PTPRD: variants seen among roughly 807,000 people sequenced by gnomAD.
PTPRD encodes receptor-type tyrosine-protein phosphatase delta.
In PTPRD, 34 loss-of-function variants were observed where a neutral mutation model predicts 214.5. The observed-to-expected ratio is 0.16, with a 90% CI of 0.12 to 0.21. PTPRD has a LOEUF of 0.21. PTPRD is among the 10% of genes least tolerant of loss of function. The pLI is 1.00. For synonymous variants in PTPRD, 1,128 were observed against 845.7 expected, an observed-to-expected ratio of 1.33 and a Z score of -5.79; for missense variants, 2,545 against 2,398.7, an observed-to-expected ratio of 1.06 and a Z score of -1.27.
At chr9:10,447,621 G>C (rs895200523) in intron 2 of PTPRD, among the ~76,000 whole-genome samples, 12 of 151,970 alleles carry the variant, frequency 7.9e-5, no homozygotes, top group Non-Finnish European at 1.2e-4. Flanking sequence ...ACAAATATTT[G>C]TTTTTTATTT....
At chr9:9,128,315 A>G (rs529752186) in intron 10 of PTPRD, among the ~76,000 whole-genome samples, 3 of 152,322 alleles carry the variant, frequency 2.0e-5, no homozygotes, top group African/African-American at 7.2e-5. Flanking sequence ...GAACTCATAC[A>G]TTTGCGCACA....
At chr9:10,573,798 G>A (rs773238048) in intron 2 of PTPRD, among the ~76,000 whole-genome samples, 1 of 152,140 alleles carries the variant, frequency 6.6e-6, no homozygotes, top group Non-Finnish European at 1.5e-5. Flanking sequence ...GAGAAGAAAG[G>A]CAAATGTGAG....
At chr9:8,593,388 G>A (rs925738458) in intron 14 of PTPRD, among the ~76,000 whole-genome samples, 1 of 152,130 alleles carries the variant, frequency 6.6e-6, no homozygotes, top group Non-Finnish European at 1.5e-5. Context: ...ACGTAGACCT[G>A]GTGAAAGGTC....
intron 7 of PTPRD, among the ~76,000 whole-genome samples, chr9:9,648,254 CA>C (rs914372437): frequency 6.6e-6 from 1 of 151,366 alleles, no homozygotes; most frequent in Non-Finnish European, 1.5e-5. Context: ...TATTTAGAGC[CA>C]AAAAAACATT....
At chr9:8,727,345 C>T (rs1565601329) in intron 12 of PTPRD, among the ~76,000 whole-genome samples, 1 of 152,320 alleles carries the variant, frequency 6.6e-6, no homozygotes, top group East Asian at 1.9e-4. Context: ...ATTCAAAAAG[C>T]CACAGAAACT....
At chr9:10,280,438 C>A (rs77898815) in intron 3 of PTPRD, among the ~76,000 whole-genome samples, 5,679 of 151,818 alleles carry the variant, frequency 0.037, 375 homozygotes, top group African/African-American at 0.13. Flanking sequence ...CCATCTCCAC[C>A]AAATTCAGAA....
intron 2 of PTPRD, among the ~76,000 whole-genome samples, chr9:10,434,868 C>G (rs933622409): frequency 1.3e-5 from 2 of 151,802 alleles, no homozygotes; most frequent in Non-Finnish European, 2.9e-5. Flanking sequence ...TTATGGCTCC[C>G]AGTTAACATG....
intron 2 of PTPRD, among the ~76,000 whole-genome samples, chr9:10,498,688 T>G (rs970569716): frequency 6.6e-6 from 1 of 151,934 alleles, no homozygotes; most frequent in Non-Finnish European, 1.5e-5. Context: ...ATATTATAAA[T>G]AGCAATTAAG....
intron 14 of PTPRD, among the ~76,000 whole-genome samples, chr9:8,605,997 C>T (rs949765342): frequency 2.6e-5 from 4 of 151,934 alleles, no homozygotes; most frequent in African/African-American, 9.7e-5. Context: ...GGATGTACAT[C>T]GTATACTATA....
chr9:10,156,532 G>T (rs2099094511), intron 3 of PTPRD, among the ~76,000 whole-genome samples: 1 of 152,128 alleles, frequency 6.6e-6, no homozygotes, highest in African/African-American at 2.4e-5. Flanking sequence ...TTTCGCATTT[G>T]CTGATGATTG....
In PTPRD at chr9:9,084,601, T is replaced by C. The variant is rs59881363; in HGVS notation, c.-142-65866A>G. ...ACACATTTCTGGGAGCCAAAGTCAA[T>C]GTATTTAAAGGACTGTAAATGAATG... On this transcript the variant is annotated intron_variant, in intron 10 of 45. Transcript: ENST00000381196. Among the ~76,000 whole-genome samples the C allele has an allele frequency of 9.8e-3, 1,493 of 152,234 alleles. 23 individuals are homozygous for C. Among genetic ancestry groups the C allele is most frequent in the African/African-American group, 0.034 (1,405 of 41,562 alleles).
chr9:9,236,951 G>C (rs2099967176), intron 9 of PTPRD, among the ~76,000 whole-genome samples: 1 of 151,990 alleles, frequency 6.6e-6, no homozygotes, highest in Non-Finnish European at 1.5e-5. Flanking sequence ...CTTCCTCTTT[G>C]GAAACCTTAG....
chr9:10,421,472 G>C (rs529952915), intron 2 of PTPRD, among the ~76,000 whole-genome samples: 80 of 151,886 alleles, frequency 5.3e-4, no homozygotes, highest in African/African-American at 1.9e-3. Flanking sequence ...TTTCTGATTG[G>C]CTATAACAAC....
chr9:10,184,990 C>T (rs1287971165), intron 3 of PTPRD, among the ~76,000 whole-genome samples: 1 of 152,082 alleles, frequency 6.6e-6, no homozygotes, highest in Non-Finnish European at 1.5e-5. Flanking sequence ...ACATTCATAA[C>T]CTTTTGTGTA....
chr9:8,669,514 G>A (rs972611990), intron 12 of PTPRD, among the ~76,000 whole-genome samples: 2 of 152,064 alleles, frequency 1.3e-5, no homozygotes, highest in African/African-American at 4.8e-5. Flanking sequence ...GAAGTCCCTA[G>A]TATTTTCCAT....
intron 11 of PTPRD, among the ~76,000 whole-genome samples, chr9:8,989,179 A>T (rs2099356834): frequency 6.6e-6 from 1 of 152,000 alleles, no homozygotes; most frequent in Non-Finnish European, 1.5e-5. Flanking sequence ...GGGTAGGGAT[A>T]TTCATCACCT....
At position 8,317,810 on chromosome 9, in the gene PTPRD, C is replaced by T; in HGVS notation, c.*64G>A. On this transcript the variant is annotated 3_prime_UTR_variant, in exon 46 of 46. Transcript: ENST00000381196. The stretch of plus-strand genomic sequence containing the variant: ...AGGACTTCTCAAGTGCCCTGTATGG[C>T]TCAGAAGAGACTCCATGGATATTGA... The T allele has an allele frequency of 6.7e-7, 1 of 1,489,450 alleles. No individual in the cohort carries two copies. Among genetic ancestry groups the T allele is most frequent in the Admixed American group, 1.7e-5 (1 of 59,504 alleles). The allele number at this position is 1,489,450 out of a possible 1,614,324, so 92.3% of individuals were successfully genotyped here.
intron 8 of PTPRD, among the ~76,000 whole-genome samples, chr9:9,429,803 C>T (rs1000836701): frequency 2.0e-5 from 3 of 152,156 alleles, no homozygotes; most frequent in Admixed American, 1.3e-4. Context: ...ACAAAACCCA[C>T]ATGATAGTCT....
intron 10 of PTPRD, among the ~76,000 whole-genome samples, chr9:9,090,167 T>C (rs1471411634): frequency 1.3e-5 from 2 of 152,148 alleles, no homozygotes; most frequent in Admixed American, 6.5e-5. Context: ...AATTCCTATG[T>C]TGTATGTTTG....
Sources: allele counts gnomAD v4.1 joint callset (sites outside exome capture counted in the v4.1 genomes callset), GRCh38; gene constraint gnomAD v4.1.1; transcripts MANE v1.5; gene names NCBI Gene and HGNC (gene_info 2026-07-23, HGNC 2026-07-21).